Variants in SYT17 observed in about 807,000 individuals in gnomAD.
SYT17 encodes the protein synaptotagmin 17.
SYT17 carries 22 observed loss-of-function variants against 46.7 expected under a neutral mutation model. The ratio of observed to expected loss-of-function variants is 0.47; its 90% confidence interval spans 0.34 to 0.67. The LOEUF is 0.67. Ranked by LOEUF, SYT17 falls within the 30% of genes least tolerant of loss-of-function variation. The pLI, the probability that SYT17 is intolerant of heterozygous loss-of-function variation, is 0.01. For synonymous variants in SYT17, 251 were observed against 248.4 expected (o/e 1.01, Z -0.10); for missense variants, 519 against 612.8 (o/e 0.85, Z 1.62).
intron 7 of SYT17, among the ~76,000 whole-genome samples, chr16:19,240,029 A>T (rs1413582145): frequency 6.6e-6 from 1 of 152,222 alleles, no homozygotes; most frequent in Admixed American, 6.5e-5. Context: ...GGTGCCCAGA[A>T]GCTTGGAGAC....
intron 6 of SYT17, among the ~76,000 whole-genome samples, chr16:19,223,789 C>T (rs139747680): frequency 1.2e-3 from 179 of 152,238 alleles, no homozygotes; most frequent in African/African-American, 4.1e-3. Context: ...CTAGAAGACA[C>T]CTTGCATTCT....
Position 19,188,988 on chromosome 16 carries a change from G to C in SYT17, c.951+4841G>C, listed in dbSNP as rs377705851. The stretch of plus-strand genomic sequence containing the variant: ...TGCAAGCTCCGCCTCCCGGGTTCAC[G>C]CCATTCTCCTGGCTCAGCCTCCCGA... On this transcript the variant is annotated intron_variant, in intron 5 of 7. Coordinates refer to ENST00000355377, the MANE Select transcript of SYT17 (RefSeq NM_016524.4). 2.3e-4 allele frequency among the ~76,000 whole-genome samples: 35 copies of C among 152,206 alleles called. No homozygotes were observed. In the East Asian group the frequency reaches 6.4e-3, roughly 28 times the overall value.
At chr16:19,177,401 C>T (rs2142533124) in intron 3 of SYT17, among the ~76,000 whole-genome samples, 1 of 152,308 alleles carries the variant, frequency 6.6e-6, no homozygotes, top group East Asian at 1.9e-4. Flanking sequence ...ACAGTTTTGA[C>T]ACTCAGCATA....
intron 7 of SYT17, among the ~76,000 whole-genome samples, chr16:19,240,631 G>A (rs1017874235): frequency 2.0e-5 from 3 of 152,078 alleles, no homozygotes; most frequent in African/African-American, 7.2e-5. Flanking sequence ...CGGGACTGGC[G>A]GCCTGGTCCC....
intron 5 of SYT17, among the ~76,000 whole-genome samples, chr16:19,191,120 C>G (rs916762022): frequency 3.3e-5 from 5 of 151,758 alleles, no homozygotes; most frequent in Non-Finnish European, 5.9e-5. Flanking sequence ...ATCCATTTGG[C>G]AAGGCTCATC....
intron 3 of SYT17, among the ~76,000 whole-genome samples, chr16:19,178,602 CT>C (rs1198008124): frequency 3.9e-5 from 6 of 152,164 alleles, no homozygotes; most frequent in Non-Finnish European, 8.8e-5. Context: ...CCTGATAACA[CT>C]TTTGAAGAAC....
intron 7 of SYT17, among the ~76,000 whole-genome samples, chr16:19,231,874 T>C (rs1191934787): frequency 6.6e-6 from 1 of 152,196 alleles, no homozygotes; most frequent in East Asian, 1.9e-4. Context: ...ATTAATTAAA[T>C]GCCACACCAA....
chr16:19,228,718 C>T (rs1314627251), intron 7 of SYT17, among the ~76,000 whole-genome samples: 1 of 152,138 alleles, frequency 6.6e-6, no homozygotes, highest in South Asian at 2.1e-4. Context: ...GTGTCTTAAG[C>T]CAGTATGTAT....
chr16:19,180,591 ACT>A (rs1453696468), intron 4 of SYT17, 52 bp downstream of exon 4: 1 of 1,606,712 alleles, frequency 6.2e-7, no homozygotes, highest in South Asian at 1.1e-5. Context: ...TTTCCCAGAC[ACT>A]CTCCCACGGA....
chr16:19,241,796 G>C lies in SYT17; in HGVS notation c.1228+16958G>C, dbSNP rs35474495. Among the ~76,000 whole-genome samples, 1,059 of 152,288 alleles carry C rather than the reference G, an allele frequency of 7.0e-3. 5 individuals are homozygous for C. Among genetic ancestry groups the C allele is most frequent in the Non-Finnish European group, 0.011 (761 of 68,028 alleles). Reference sequence around the variant, plus strand: ...GGAGTCACAGAGGCTCTGGGCCTGGGAGTGGGTCCCATCCAGTCATACAAG... The same window carrying C: ...GGAGTCACAGAGGCTCTGGGCCTGGCAGTGGGTCCCATCCAGTCATACAAG... On this transcript the variant is annotated intron_variant, in intron 7 of 7. Coordinates refer to ENST00000355377, the MANE Select transcript of SYT17 (RefSeq NM_016524.4).
chr16:19,185,295 C>T (rs999541217), intron 5 of SYT17, among the ~76,000 whole-genome samples: 3 of 152,194 alleles, frequency 2.0e-5, no homozygotes, highest in African/African-American at 7.2e-5. Context: ...TCAATAAGAG[C>T]TGCCTTCCAG....
At chr16:19,213,903 A>T (rs1036813107) in intron 5 of SYT17, among the ~76,000 whole-genome samples, 1 of 152,146 alleles carries the variant, frequency 6.6e-6, no homozygotes, top group Non-Finnish European at 1.5e-5. Flanking sequence ...TTATGTATTT[A>T]AAAAATCTGA....
intron 5 of SYT17, among the ~76,000 whole-genome samples, chr16:19,214,496 G>A (rs1475578728): frequency 6.6e-6 from 1 of 152,076 alleles, no homozygotes; most frequent in Non-Finnish European, 1.5e-5. Flanking sequence ...CACCATGCTT[G>A]GCCCTCGTCA....
At chr16:19,217,221 A>G (rs1435255229) in intron 5 of SYT17, among the ~76,000 whole-genome samples, 1 of 152,142 alleles carries the variant, frequency 6.6e-6, no homozygotes, top group Admixed American at 6.5e-5. Flanking sequence ...TAAATATACA[A>G]TTCAGTGGCA....
chr16:19,178,499 C>T (rs1964412090), intron 3 of SYT17, among the ~76,000 whole-genome samples: 1 of 152,156 alleles, frequency 6.6e-6, no homozygotes, highest in South Asian at 2.1e-4. Context: ...GCCATGTCGG[C>T]CGGGTTGGTC....
At chr16:19,233,786 C>G (rs1966789212) in intron 7 of SYT17, among the ~76,000 whole-genome samples, 1 of 152,160 alleles carries the variant, frequency 6.6e-6, no homozygotes, top group Admixed American at 6.5e-5. Context: ...CTGAGAGAGC[C>G]TGAAATTCTC....
intron 5 of SYT17, among the ~76,000 whole-genome samples, chr16:19,188,513 C>CAAA (rs61202540): frequency 0.035 from 2,267 of 64,336 alleles, 88 homozygotes; most frequent in African/African-American, 0.098. Flanking sequence ...TTCAGTTCTG[C>CAAA]AAAAAAAAAA....
chr16:19,221,628 A>C (rs891664192), intron 5 of SYT17, among the ~76,000 whole-genome samples: 1 of 152,128 alleles, frequency 6.6e-6, no homozygotes, highest in African/African-American at 2.4e-5. Flanking sequence ...CTGTCAGTAG[A>C]TGTTTATTGA....
At chr16:19,193,535 C>A (rs549015601) in intron 5 of SYT17, among the ~76,000 whole-genome samples, 1 of 152,190 alleles carries the variant, frequency 6.6e-6, no homozygotes, top group Non-Finnish European at 1.5e-5. Flanking sequence ...GAAGCAGAGT[C>A]TGTGCGTGTG....
Sources: allele counts gnomAD v4.1 joint callset (sites outside exome capture counted in the v4.1 genomes callset), GRCh38; gene constraint gnomAD v4.1.1; transcripts MANE v1.5; gene names NCBI Gene and HGNC (gene_info 2026-07-23, HGNC 2026-07-21).